The following SEPTIN7 variants were observed in gnomAD, a reference collection of about 807,000 sequenced individuals.
The protein encoded by SEPTIN7 is septin-7.
In SEPTIN7, 10 loss-of-function variants were observed where a neutral mutation model predicts 63.3. The observed-to-expected ratio is 0.16, with a 90% CI of 0.10 to 0.27. The LOEUF (loss-of-function observed/expected upper bound fraction) is 0.27. Ranked by LOEUF, SEPTIN7 falls within the 10% of genes least tolerant of loss-of-function variation. SEPTIN7 has a pLI of 1.00. For synonymous variants in SEPTIN7, 131 were observed against 165.3 expected (o/e 0.79, Z 1.59); for missense variants, 310 against 521.0 (o/e 0.59, Z 3.94).
chr7:35,888,789 C>T (rs1330712215), intron 10 of SEPTIN7: 2 of 257,858 alleles, frequency 7.8e-6, no homozygotes, highest in Non-Finnish European at 1.4e-5. Flanking sequence ...CACTGCATTC[C>T]ATCCAGCCTG....
intron 1 of SEPTIN7, among the ~76,000 whole-genome samples, chr7:35,801,598 T>G (rs550103280): frequency 1.3e-5 from 2 of 152,142 alleles, no homozygotes; most frequent in African/African-American, 4.8e-5. Context: ...CTGCCCTTGC[T>G]TCTCTCCGTC....
chr7:35,882,324 G>A (rs1269278082), intron 7 of SEPTIN7, among the ~76,000 whole-genome samples, 160 bp from the exon 8 acceptor site: 3 of 150,332 alleles, frequency 2.0e-5, no homozygotes, highest in Non-Finnish European at 4.4e-5. Flanking sequence ...AAAGACTAGC[G>A]TAGTACTTTA....
At chr7:35,828,626 C>A (rs894743186) in intron 1 of SEPTIN7, among the ~76,000 whole-genome samples, 2 of 152,214 alleles carry the variant, frequency 1.3e-5, no homozygotes, top group Non-Finnish European at 2.9e-5. Flanking sequence ...ATCCACCCGC[C>A]TTGGTCTCCC....
At chr7:35,889,795 C>T (rs566113686) in intron 10 of SEPTIN7, among the ~76,000 whole-genome samples, 12 of 152,280 alleles carry the variant, frequency 7.9e-5, no homozygotes, top group African/African-American at 2.4e-4. Flanking sequence ...CTGCCCGCCC[C>T]GGCCTCTCAA....
intron 1 of SEPTIN7, among the ~76,000 whole-genome samples, chr7:35,821,185 T>C (rs1173279775): frequency 6.6e-6 from 1 of 152,214 alleles, no homozygotes; most frequent in Non-Finnish European, 1.5e-5. Context: ...AGAGCTGCTG[T>C]TTTTACCAAG....
chr7:35,881,406 A>G (rs1033540113), intron 7 of SEPTIN7, among the ~76,000 whole-genome samples: 1 of 151,884 alleles, frequency 6.6e-6, no homozygotes, highest in Non-Finnish European at 1.5e-5. Flanking sequence ...GGTCATTTTA[A>G]TATACAACCT....
intron 3 of SEPTIN7, among the ~76,000 whole-genome samples, chr7:35,852,953 G>C (rs1297212866): frequency 6.6e-6 from 1 of 152,046 alleles, no homozygotes; most frequent in Non-Finnish European, 1.5e-5. Context: ...TTCTCAGCCT[G>C]CTAAAGAGGT....
chr7:35,884,042 T>A (rs1787069337), intron 9 of SEPTIN7, 55 bp downstream of exon 9: 1 of 1,119,950 alleles, frequency 8.9e-7, no homozygotes, highest in Non-Finnish European at 1.4e-6. Context: ...TGATTAAAAA[T>A]TTGTATTTAT....
At chr7:35,868,770 C>T (rs1010431473) in intron 4 of SEPTIN7, among the ~76,000 whole-genome samples, 1 of 152,090 alleles carries the variant, frequency 6.6e-6, no homozygotes, top group African/African-American at 2.4e-5. Context: ...AAACGGTTGT[C>T]AAGATGAATC....
chr7:35,892,196 A>G (rs890352150), intron 11 of SEPTIN7, among the ~76,000 whole-genome samples: 1 of 152,234 alleles, frequency 6.6e-6, no homozygotes, highest in African/African-American at 2.4e-5. Context: ...ACGAAAGACA[A>G]GTTCTCAAAA....
intron 3 of SEPTIN7, among the ~76,000 whole-genome samples, chr7:35,850,929 AAAAC>A (rs1161274772): frequency 6.6e-6 from 1 of 152,196 alleles, no homozygotes; most frequent in Non-Finnish European, 1.5e-5. Context: ...GATGCTGAGT[AAAAC>A]AAAGATAAGC....
chr7:35,826,646 C>T (rs1202042113), intron 1 of SEPTIN7, among the ~76,000 whole-genome samples: 1 of 151,792 alleles, frequency 6.6e-6, no homozygotes, highest in Non-Finnish European at 1.5e-5. Context: ...GTTTGTAGTT[C>T]CTTCTAGGGT....
At chr7:35,868,921 A>T (rs1785977255) in intron 4 of SEPTIN7, among the ~76,000 whole-genome samples, 1 of 152,194 alleles carries the variant, frequency 6.6e-6, no homozygotes, top group Non-Finnish European at 1.5e-5. Context: ...AAGTGGAGAT[A>T]TGAGGTACTT....
rs574081140 is a variant in SEPTIN7 at position 35,863,807 on chromosome 7, T to A, written c.276+149T>A. On this transcript the variant is annotated intron_variant, in intron 4 of 13. Transcript: ENST00000350320. ...ATGGTAAATATGACTTCATAAAATT[T>A]AAAAAAAAAAGTACAGTTCATCAGA... 6.4e-4 allele frequency: 286 copies of A among 446,454 alleles called. 1 individual carries two copies. The highest frequency in any genetic ancestry group is 2.8e-3 in the African/African-American group (131 of 47,278). The allele number at this position is 446,454 out of a possible 1,614,324, so 27.7% of individuals were successfully genotyped here.
At chr7:35,815,524 A>G (rs1433321039) in intron 1 of SEPTIN7, among the ~76,000 whole-genome samples, 1 of 152,186 alleles carries the variant, frequency 6.6e-6, no homozygotes, top group Non-Finnish European at 1.5e-5. Flanking sequence ...GCTTTCATCT[A>G]CAATTTATTT....
In SEPTIN7 at chr7:35,886,027, T is replaced by G. The variant is rs1468719663; in HGVS notation, c.872+148T>G. ...GAAGTAAACACTACATATAGATGAT[T>G]CTTTCTCCAAGGTTTTGAAGTCATG... On this transcript the variant is annotated intron_variant, in intron 10 of 13. Coordinates refer to ENST00000350320, the MANE Select transcript of SEPTIN7 (RefSeq NM_001788.6). The G allele has an allele frequency of 9.9e-6, 6 of 607,426 alleles. No homozygotes were observed. The African/African-American group carries it at 1.1e-4, about 11-fold the overall frequency. The allele number at this position is 607,426 out of a possible 1,614,324, so 37.6% of individuals were successfully genotyped here. A position where few individuals can be genotyped will look rare whatever the true frequency, so the allele number is the denominator to read the frequency against.
intron 6 of SEPTIN7, among the ~76,000 whole-genome samples, chr7:35,877,603 G>A (rs1275999763): frequency 6.6e-6 from 1 of 152,086 alleles, no homozygotes; most frequent in Non-Finnish European, 1.5e-5. Flanking sequence ...GTAGTCCTTT[G>A]CAAAATATTT....
chr7:35,856,019 T>A (rs1785185990), intron 3 of SEPTIN7, among the ~76,000 whole-genome samples: 1 of 152,182 alleles, frequency 6.6e-6, no homozygotes. Flanking sequence ...ATATCAAACT[T>A]CCATGTGTTT....
intron 3 of SEPTIN7, among the ~76,000 whole-genome samples, chr7:35,854,211 C>G (rs1375188659): frequency 6.6e-6 from 1 of 152,192 alleles, no homozygotes; most frequent in African/African-American, 2.4e-5. Flanking sequence ...GATACACAAC[C>G]TGTAGCATCT....
Sources: allele counts gnomAD v4.1 joint callset (sites outside exome capture counted in the v4.1 genomes callset), GRCh38; gene constraint gnomAD v4.1.1; transcripts MANE v1.5; gene names NCBI Gene and HGNC (gene_info 2026-07-23, HGNC 2026-07-21).